MBOAT1: variants seen among roughly 807,000 people sequenced by gnomAD.
MBOAT1 encodes membrane-bound glycerophospholipid O-acyltransferase 1.
In MBOAT1, 67 loss-of-function variants were observed where a neutral mutation model predicts 64.4. The ratio of observed to expected loss-of-function variants is 1.04; its 90% CI spans 0.85 to 1.27. The LOEUF is 1.27. MBOAT1 is among the 50% of genes most tolerant of loss of function. The pLI is 0.00. For missense variants in MBOAT1, 563 were observed against 604.6 expected (o/e 0.93, Z 0.72); for synonymous variants, 229 against 218.9 (o/e 1.05, Z -0.41).
At chr6:20,184,277 C>T (rs1762587317) in intron 1 of MBOAT1, among the ~76,000 whole-genome samples, 1 of 152,146 alleles carries the variant, frequency 6.6e-6, no homozygotes, top group African/African-American at 2.4e-5. Context: ...GGAAGTCCAG[C>T]CTGGCTGGCA....
intron 4 of MBOAT1, among the ~76,000 whole-genome samples, chr6:20,141,998 G>A (rs1035314199): frequency 2.6e-5 from 4 of 152,184 alleles, no homozygotes; most frequent in African/African-American, 7.2e-5. Context: ...AGAATGCACA[G>A]TGTCTCTCGA....
At chr6:20,170,876 T>C (rs1344611249) in intron 1 of MBOAT1, among the ~76,000 whole-genome samples, 1 of 149,556 alleles carries the variant, frequency 6.7e-6, no homozygotes, top group Admixed American at 6.8e-5. Context: ...CTGGCATATA[T>C]TAGGGTCTCA....
chr6:20,208,444 T>TAAAAAAAAAAAAAAAAAAA, intron 1 of MBOAT1, among the ~76,000 whole-genome samples: 1 of 7,938 alleles, frequency 1.3e-4, no homozygotes, highest in Non-Finnish European at 6.8e-4. Flanking sequence ...AGACTCTGTC[T>TAAAAAAAAAAAAAAAAAAA]CAAAAAAAAA....
intron 12 of MBOAT1, among the ~76,000 whole-genome samples, chr6:20,104,540 A>T (rs1759895006): frequency 6.6e-6 from 1 of 152,270 alleles, no homozygotes; most frequent in African/African-American, 2.4e-5. Flanking sequence ...GGGCCTATCA[A>T]TACCTGCAAG....
At chr6:20,144,947 T>G (rs972168397) in intron 3 of MBOAT1, among the ~76,000 whole-genome samples, 11 of 152,292 alleles carry the variant, frequency 7.2e-5, no homozygotes, top group Admixed American at 2.0e-4. Flanking sequence ...GAGCATTCCC[T>G]GGCTTCCTTC....
chr6:20,138,944 C>T (rs1213330150), intron 4 of MBOAT1, among the ~76,000 whole-genome samples: 4 of 152,188 alleles, frequency 2.6e-5, no homozygotes, highest in African/African-American at 9.6e-5. Context: ...CTGACGGCAA[C>T]CCTTGAGCTC....
intron 1 of MBOAT1, among the ~76,000 whole-genome samples, chr6:20,198,563 A>G (rs1212040543): frequency 6.6e-6 from 1 of 152,198 alleles, no homozygotes; most frequent in Non-Finnish European, 1.5e-5. Context: ...ATTCATTGAC[A>G]TTTAAGTTCA....
chr6:20,182,342 C>T (rs1369824419), intron 1 of MBOAT1, among the ~76,000 whole-genome samples: 1 of 152,174 alleles, frequency 6.6e-6, no homozygotes, highest in African/African-American at 2.4e-5. Context: ...CTTATAAAAA[C>T]ACAAATCCCA....
At chr6:20,188,724 T>C (rs1762723368) in intron 1 of MBOAT1, among the ~76,000 whole-genome samples, 1 of 152,144 alleles carries the variant, frequency 6.6e-6, no homozygotes, top group African/African-American at 2.4e-5. Flanking sequence ...TTACTCCATA[T>C]TGCTTTGTTC....
intron 3 of MBOAT1, among the ~76,000 whole-genome samples, chr6:20,145,856 A>G (rs887800309): frequency 2.6e-5 from 4 of 152,124 alleles, no homozygotes; most frequent in Non-Finnish European, 4.4e-5. Context: ...CACCTCTTCT[A>G]TGTTACTTGG....
chr6:20,158,232 T>C (rs1484706919), intron 1 of MBOAT1, among the ~76,000 whole-genome samples: 1 of 150,978 alleles, frequency 6.6e-6, no homozygotes, highest in Non-Finnish European at 1.5e-5. Context: ...ACAACCACAT[T>C]AACCAACAGA....
intron 1 of MBOAT1, among the ~76,000 whole-genome samples, chr6:20,174,296 T>C (rs567798596): frequency 6.6e-6 from 1 of 152,202 alleles, no homozygotes; most frequent in East Asian, 1.9e-4. Context: ...TTCGTCATCA[T>C]GCAAGCATCA....
chr6:20,110,755 A>G (rs1760114133), intron 11 of MBOAT1, among the ~76,000 whole-genome samples: 1 of 152,136 alleles, frequency 6.6e-6, no homozygotes, highest in Non-Finnish European at 1.5e-5. Context: ...GTAATATATC[A>G]TGCACTTTTT....
At position 20,126,527 on chromosome 6, in the gene MBOAT1, G is replaced by A. The variant is rs776255546; in HGVS notation, c.704C>T (p.Pro235Leu). Reference sequence around the variant, plus strand: ...ACACTAAAAACTTACTGTGGGAGAAGGTTCTGGCAAGCTGTGGAAACCTTT... The same window carrying A: ...ACACTAAAAACTTACTGTGGGAGAAAGTTCTGGCAAGCTGTGGAAACCTTT... ...KRKGFHSLPE[P>L]SPTGAVIHKL... The change falls in exon 7 of 13, where the codon CCT becomes CTT. Residue 235 changes from proline (P) to leucine (L), a missense_variant. Physicochemically the swap from Pro to Leu is moderately conservative, Grantham distance 98. Transcript: ENST00000324607. The A allele has an allele frequency of 1.2e-6, 2 of 1,608,146 alleles. No homozygotes were observed. The highest frequency in any genetic ancestry group is 1.7e-6 in the Non-Finnish European group (2 of 1,178,662).
At chr6:20,174,050 G>C (rs1046173379) in intron 1 of MBOAT1, among the ~76,000 whole-genome samples, 1 of 152,188 alleles carries the variant, frequency 6.6e-6, no homozygotes, top group Non-Finnish European at 1.5e-5. Flanking sequence ...GGTTCCTCAC[G>C]AGACAGTTAT....
chr6:20,127,794 A>G (rs1760704794), intron 6 of MBOAT1, among the ~76,000 whole-genome samples: 1 of 152,118 alleles, frequency 6.6e-6, no homozygotes, highest in Non-Finnish European at 1.5e-5. Context: ...AAAGTGCACA[A>G]TAAATGTAAG....
chr6:20,167,418 G>T (rs1338912128), intron 1 of MBOAT1, among the ~76,000 whole-genome samples: 2 of 152,204 alleles, frequency 1.3e-5, no homozygotes, highest in African/African-American at 4.8e-5. Flanking sequence ...AGCATAGGGG[G>T]CTGTTAATCT....
intron 1 of MBOAT1, among the ~76,000 whole-genome samples, chr6:20,154,458 G>A (rs1474355687): frequency 6.6e-6 from 1 of 152,074 alleles, no homozygotes; most frequent in Non-Finnish European, 1.5e-5. Flanking sequence ...GCTTGAACTC[G>A]GGAGGCAGAG....
At chr6:20,166,554 C>T (rs991838558) in intron 1 of MBOAT1, among the ~76,000 whole-genome samples, 1 of 152,116 alleles carries the variant, frequency 6.6e-6, no homozygotes, top group African/African-American at 2.4e-5. Context: ...GCTCCCTGCA[C>T]AGAGTTGTTG....
Sources: gnomAD v4.1 joint callset for allele counts (sites outside exome capture counted in the v4.1 genomes callset) on GRCh38, gnomAD v4.1.1 for gene constraint, MANE v1.5 for transcripts, NCBI Gene and HGNC (gene_info 2026-07-23, HGNC 2026-07-21) for gene names.